Variants in STPG2 observed in about 807,000 individuals in gnomAD.
STPG2 encodes sperm tail PG-rich repeat containing 2, also known as sperm-tail PG-rich repeat-containing protein 2.
Under a neutral mutation model 54.2 loss-of-function variants are expected in STPG2, and 56 were observed. The ratio of observed to expected loss-of-function variants is 1.03; its 90% CI spans 0.83 to 1.29. The LOEUF (loss-of-function observed/expected upper bound fraction) is 1.29. STPG2 is among the 50% of genes most tolerant of loss of function. The pLI is 0.00. For missense variants in STPG2, 596 were observed against 544.9 expected (o/e 1.09, Z -0.93); for synonymous variants, 200 against 181.8 (o/e 1.10, Z -0.81).
intron 10 of STPG2, among the ~76,000 whole-genome samples, chr4:97,686,440 A>C (rs1723191107): frequency 6.6e-6 from 1 of 152,112 alleles, no homozygotes; most frequent in Non-Finnish European, 1.5e-5. Flanking sequence ...CAAAAACCTC[A>C]ATGTTAACAC....
intron 3 of STPG2, among the ~76,000 whole-genome samples, chr4:98,124,268 G>A (rs1739769406): frequency 6.6e-6 from 1 of 152,120 alleles, no homozygotes; most frequent in South Asian, 2.1e-4. Context: ...TTGCTTCACA[G>A]TGTCATTGGC....
At chr4:97,615,402 T>C (rs1460549350) in intron 10 of STPG2, among the ~76,000 whole-genome samples, 1 of 152,150 alleles carries the variant, frequency 6.6e-6, no homozygotes, top group Non-Finnish European at 1.5e-5. Context: ...ATTTTTGATA[T>C]AATAAAATTT....
intron 4 of STPG2, among the ~76,000 whole-genome samples, chr4:97,542,372 T>C (rs1372639813): frequency 1.3e-5 from 2 of 152,214 alleles, no homozygotes; most frequent in African/African-American, 4.8e-5. Flanking sequence ...GAAAAAATGC[T>C]CATCATCACT....
At chr4:97,571,568 T>C (rs1343587341) in intron 10 of STPG2, among the ~76,000 whole-genome samples, 1 of 152,182 alleles carries the variant, frequency 6.6e-6, no homozygotes, top group Non-Finnish European at 1.5e-5. Context: ...TCCCTTCTAT[T>C]GATCCCAGGT....
chr4:97,502,712 G>T (rs1730752857), intron 4 of STPG2, among the ~76,000 whole-genome samples: 1 of 151,810 alleles, frequency 6.6e-6, no homozygotes, highest in Non-Finnish European at 1.5e-5. Flanking sequence ...GAGTTGCAAG[G>T]CAGTCTTTAA....
chr4:98,096,032 T>C (rs1738846462), intron 5 of STPG2, among the ~76,000 whole-genome samples: 1 of 152,154 alleles, frequency 6.6e-6, no homozygotes, highest in South Asian at 2.1e-4. Context: ...TACAAACACA[T>C]GGAAATTAAG....
intron 5 of STPG2, among the ~76,000 whole-genome samples, chr4:98,090,361 G>C (rs945334357): frequency 2.0e-5 from 3 of 152,112 alleles, no homozygotes; most frequent in African/African-American, 4.8e-5. Flanking sequence ...TTAGTTGGCT[G>C]TAAGTATGTG....
At chr4:97,670,902 G>T (rs950644765) in intron 10 of STPG2, among the ~76,000 whole-genome samples, 3 of 152,192 alleles carry the variant, frequency 2.0e-5, no homozygotes. Context: ...TAATGACTAA[G>T]GAAATGCAGG....
chr4:97,790,972 T>C (rs1726971789), intron 9 of STPG2, among the ~76,000 whole-genome samples: 1 of 150,920 alleles, frequency 6.6e-6, no homozygotes, highest in South Asian at 2.2e-4. Flanking sequence ...GCATTCCTAA[T>C]ATTCCATCAG....
chr4:97,443,596 A>T (rs761959732), intron 4 of STPG2, among the ~76,000 whole-genome samples: 6 of 152,120 alleles, frequency 3.9e-5, no homozygotes, highest in Non-Finnish European at 5.9e-5. Context: ...ATACTCTAAA[A>T]ATATGGGTAA....
intron 5 of STPG2, among the ~76,000 whole-genome samples, chr4:98,052,786 C>T (rs1334879398): frequency 1.3e-5 from 2 of 152,046 alleles, no homozygotes; most frequent in African/African-American, 4.8e-5. Flanking sequence ...AACCAATGAC[C>T]CATTCTGGAG....
chr4:97,537,501 G>A (rs1417918480), intron 4 of STPG2, among the ~76,000 whole-genome samples: 1 of 152,184 alleles, frequency 6.6e-6, no homozygotes, highest in African/African-American at 2.4e-5. Flanking sequence ...TGGGGGAGGA[G>A]TGTCCACCAT....
intron 9 of STPG2, among the ~76,000 whole-genome samples, chr4:97,816,325 G>A (rs1375671925): frequency 1.3e-5 from 2 of 152,102 alleles, no homozygotes; most frequent in Admixed American, 6.6e-5. Flanking sequence ...ATTGTGAACA[G>A]TGCTGCAATA....
intron 9 of STPG2, among the ~76,000 whole-genome samples, chr4:97,794,050 T>C (rs540024150): frequency 3.9e-5 from 6 of 152,184 alleles, no homozygotes; most frequent in Non-Finnish European, 7.4e-5. Context: ...TTCATAGCAA[T>C]ATAAAATTTG....
At chr4:97,868,380 A>C (rs1290318953) in intron 8 of STPG2, among the ~76,000 whole-genome samples, 1 of 151,828 alleles carries the variant, frequency 6.6e-6, no homozygotes, top group Non-Finnish European at 1.5e-5. Context: ...ATGTCTTTTC[A>C]GGAGACTTGC....
rs367893102 is a variant in STPG2, at chr4:97,730,166, G to A, written c.1205-17352C>T. On this transcript the variant is annotated intron_variant, in intron 9 of 10. Transcript: ENST00000295268. Reference sequence around the variant, plus strand: ...TCTTGCCTCCCTCCCTCACTGCCTCGTCTTGTATTCCCCAGTGTCTACTGA... The same window carrying A: ...TCTTGCCTCCCTCCCTCACTGCCTCATCTTGTATTCCCCAGTGTCTACTGA... 4.6e-5 allele frequency among the ~76,000 whole-genome samples: 7 copies of A among 152,148 alleles called. 1 individual carries two copies. Among genetic ancestry groups the A allele is most frequent in the Non-Finnish European group, 4.4e-5 (3 of 68,010 alleles).
At chr4:97,482,511 GA>G (rs915924366) in intron 4 of STPG2, among the ~76,000 whole-genome samples, 8 of 151,256 alleles carry the variant, frequency 5.3e-5, no homozygotes, top group African/African-American at 1.5e-4. Context: ...CATAGACAAA[GA>G]AAAAATAATA....
At chr4:97,932,023 T>C (rs145369773) in intron 8 of STPG2, among the ~76,000 whole-genome samples, 427 of 152,312 alleles carry the variant, frequency 2.8e-3, no homozygotes, top group African/African-American at 7.1e-3. Flanking sequence ...TTTTGTACTT[T>C]GTGTGTAGAG....
At chr4:98,095,862 C>T (rs1738842339) in intron 5 of STPG2, among the ~76,000 whole-genome samples, 2 of 152,150 alleles carry the variant, frequency 1.3e-5, no homozygotes, top group Admixed American at 1.3e-4. Context: ...GCAGAATACA[C>T]ACTCTTCTCC....
Sources: allele counts gnomAD v4.1 joint callset (sites outside exome capture counted in the v4.1 genomes callset), GRCh38; gene constraint gnomAD v4.1.1; transcripts MANE v1.5; gene names NCBI Gene and HGNC (gene_info 2026-07-23, HGNC 2026-07-21).